The following THSD7A variants were observed in gnomAD, a reference collection of about 807,000 sequenced individuals.
THSD7A encodes the protein thrombospondin type-1 domain-containing protein 7A.
THSD7A carries 96 observed loss-of-function variants against 231.3 expected under a neutral mutation model. The observed-to-expected ratio is 0.41, with a 90% CI of 0.35 to 0.49. The LOEUF (loss-of-function observed/expected upper bound fraction) is 0.49. Among genes scored for constraint, THSD7A ranks in the 20% least tolerant of loss-of-function variants. The probability of loss-of-function intolerance (pLI) is 0.05; values close to 1 mark genes in which losing one functional copy is unlikely to be tolerated. For missense variants in THSD7A, 2,290 were observed against 2,070.2 expected (o/e 1.11, Z -2.06); for synonymous variants, 940 against 743.3 (o/e 1.26, Z -4.30).
At chr7:11,475,785 T>C (rs1037788627) in intron 7 of THSD7A, among the ~76,000 whole-genome samples, 8 of 151,058 alleles carry the variant, frequency 5.3e-5, no homozygotes, top group African/African-American at 1.9e-4. Flanking sequence ...AAAATATGAC[T>C]TCTGAAGATA....
rs532095705 is a variant in THSD7A, at chr7:11,798,006, T to C, written c.190+33751A>G. On this transcript the variant is annotated intron_variant, in intron 1 of 27. Transcript: ENST00000423059. ...ATTTCACTTTAAAAAATCTGAAATA[T>C]AGACATTGTGAGCAACATGAAGATA... 8.5e-5 allele frequency among the ~76,000 whole-genome samples: 13 copies of C among 152,238 alleles called. No homozygotes were observed. In the South Asian group the frequency reaches 1.2e-3, roughly 15 times the overall value.
At chr7:11,633,244 T>C (rs1484313177) in intron 2 of THSD7A, among the ~76,000 whole-genome samples, 2 of 152,192 alleles carry the variant, frequency 1.3e-5, no homozygotes, top group Admixed American at 6.5e-5. Context: ...CTCTTGGTCC[T>C]GCTAAGATTT....
At chr7:11,783,412 T>A (rs1039917645) in intron 1 of THSD7A, among the ~76,000 whole-genome samples, 1 of 152,166 alleles carries the variant, frequency 6.6e-6, no homozygotes. Context: ...GCTGAACGTG[T>A]ATCACTCTCT....
chr7:11,543,542 G>A (rs12699208), intron 4 of THSD7A, among the ~76,000 whole-genome samples: 22,597 of 152,202 alleles, frequency 0.15, 1,748 homozygotes, highest in East Asian at 0.17. Flanking sequence ...TGTCCACTGA[G>A]TAGTTCCTGG....
intron 1 of THSD7A, among the ~76,000 whole-genome samples, chr7:11,817,121 G>A (rs569024325): frequency 1.3e-5 from 2 of 152,244 alleles, no homozygotes; most frequent in African/African-American, 2.4e-5. Context: ...TTTGAACCAC[G>A]TATATTGACA....
intron 13 of THSD7A, among the ~76,000 whole-genome samples, chr7:11,441,583 G>A (rs767812104): frequency 1.6e-3 from 246 of 152,106 alleles, no homozygotes; most frequent in Non-Finnish European, 2.7e-3. Context: ...TCATCAAGTT[G>A]TTGCTACCCT....
intron 1 of THSD7A, among the ~76,000 whole-genome samples, chr7:11,683,892 T>C (rs1783968320): frequency 6.6e-6 from 1 of 151,882 alleles, no homozygotes; most frequent in South Asian, 2.1e-4. Context: ...ATCATCCTGA[T>C]AATAAAATCT....
At chr7:11,376,905 T>C (rs1433708012) in intron 26 of THSD7A, 2 of 319,134 alleles carry the variant, frequency 6.3e-6, no homozygotes, top group African/African-American at 4.3e-5. Context: ...ATTTCAAGTT[T>C]CTTTGGCTAA....
Position 11,407,332 on chromosome 7 carries a change from T to G in THSD7A, c.3890A>C (p.Glu1297Ala), listed in dbSNP as rs1384828010. 5.0e-6 allele frequency: 8 copies of G among 1,613,432 alleles called. No homozygotes were observed. Among genetic ancestry groups the G allele is most frequent in the Non-Finnish European group, 5.9e-6 (7 of 1,179,778 alleles). ...CQLSDWSPWS[E>A]CSQTCGLTGK... ...TGTGAGGCCACATGTTTGAGAACATTCTGACCAAGGAGACCAATCAGAAAG... is the reference window on the plus strand; with the variant it reads ...TGTGAGGCCACATGTTTGAGAACATGCTGACCAAGGAGACCAATCAGAAAG... Residue 1297 changes from glutamate (E) to alanine (A), a missense_variant, in exon 20 of 28, where the codon GAA becomes GCA. By Grantham distance (107) the Glu-to-Ala change is moderately radical. Coordinates refer to ENST00000423059, the MANE Select transcript of THSD7A (RefSeq NM_015204.3).
At chr7:11,500,703 G>A (rs186847232) in intron 6 of THSD7A, among the ~76,000 whole-genome samples, 18 of 152,154 alleles carry the variant, frequency 1.2e-4, no homozygotes, top group African/African-American at 4.1e-4. Context: ...ACTTTAGGGG[G>A]CCAAGGCGGG....
At chr7:11,511,319 G>A (rs563371430) in intron 6 of THSD7A, among the ~76,000 whole-genome samples, 1 of 152,218 alleles carries the variant, frequency 6.6e-6, no homozygotes, top group South Asian at 2.1e-4. Flanking sequence ...CCATGCTCAT[G>A]GATAGGAAGA....
At chr7:11,523,087 C>T (rs1788332805) in intron 6 of THSD7A, among the ~76,000 whole-genome samples, 4 of 152,044 alleles carry the variant, frequency 2.6e-5, no homozygotes, top group Admixed American at 2.6e-4. Context: ...TATAAAAATA[C>T]TTTCTGAAGA....
At chr7:11,402,325 T>G (rs1409363009) in intron 22 of THSD7A, among the ~76,000 whole-genome samples, 1 of 152,256 alleles carries the variant, frequency 6.6e-6, no homozygotes, top group African/African-American at 2.4e-5. Context: ...TTATTACACA[T>G]GAGTTACACT....
chr7:11,789,240 A>G (rs1347912464), intron 1 of THSD7A, among the ~76,000 whole-genome samples: 1 of 152,058 alleles, frequency 6.6e-6, no homozygotes, highest in Non-Finnish European at 1.5e-5. Flanking sequence ...AGAGTCAAGA[A>G]ATTAGATCAG....
rs142089525 is a variant in THSD7A at position 11,645,245 on chromosome 7, A to G, written c.191-8284T>C. ...AATTATTTATTTAATTGGTTTCTAT[A>G]TTTTCCAGCATTCTCATGGATGTTT... On this transcript the variant is annotated intron_variant, in intron 1 of 27. Coordinates refer to ENST00000423059, the MANE Select transcript of THSD7A (RefSeq NM_015204.3). 9.9e-5 allele frequency among the ~76,000 whole-genome samples: 15 copies of G among 151,750 alleles called. No individual in the cohort carries two copies. In the East Asian group the frequency reaches 2.5e-3, roughly 26 times the overall value.
At position 11,415,786 on chromosome 7, in the gene THSD7A, G is replaced by T. The variant is rs546029759; in HGVS notation, c.3537+1664C>A. On this transcript the variant is annotated intron_variant, in intron 17 of 27. Transcript: ENST00000423059. ...TGCTTTTTCCCAGATGTGTCCTAAAGCTGGCTTATTAAACTTCGATTGATT... is the reference window on the plus strand; with the variant it reads ...TGCTTTTTCCCAGATGTGTCCTAAATCTGGCTTATTAAACTTCGATTGATT... 7.2e-5 allele frequency among the ~76,000 whole-genome samples: 11 copies of T among 152,254 alleles called. No homozygotes were observed. In the East Asian group the frequency reaches 1.7e-3, roughly 24 times the overall value.
chr7:11,461,866 G>C, intron 10 of THSD7A, 145 bp downstream of exon 10: 1 of 1,035,490 alleles, frequency 9.7e-7, no homozygotes, highest in Admixed American at 2.3e-5. Flanking sequence ...GAAGAGACAA[G>C]AATGGCAGCT....
intron 6 of THSD7A, among the ~76,000 whole-genome samples, chr7:11,534,969 C>G (rs1005198135): frequency 6.6e-6 from 1 of 152,088 alleles, no homozygotes; most frequent in Admixed American, 6.6e-5. Context: ...CACAGTGAGA[C>G]CACATCTCTA....
At chr7:11,653,939 T>C (rs1303199189) in intron 1 of THSD7A, among the ~76,000 whole-genome samples, 1 of 151,962 alleles carries the variant, frequency 6.6e-6, no homozygotes, top group Non-Finnish European at 1.5e-5. Flanking sequence ...TTGATTATTA[T>C]TGAGTAAAAA....
Sources: allele counts gnomAD v4.1 joint callset (sites outside exome capture counted in the v4.1 genomes callset), GRCh38; gene constraint gnomAD v4.1.1; transcripts MANE v1.5; gene names NCBI Gene and HGNC (gene_info 2026-07-23, HGNC 2026-07-21).